The following SCD5 variants were observed in gnomAD, a reference collection of about 807,000 sequenced individuals.
SCD5 encodes acyl-CoA-desaturase 4.
A neutral mutation model predicts 30.4 loss-of-function variants in SCD5; 20 were observed. That is an observed-to-expected ratio of 0.66 (90% CI 0.46 to 0.96). The LOEUF is 0.96. Among genes scored for constraint, SCD5 ranks in the 40% least tolerant of loss-of-function variants. The probability of loss-of-function intolerance (pLI) is 0.00; values close to 1 mark genes in which losing one functional copy is unlikely to be tolerated. For missense variants in SCD5, 381 were observed against 443.3 expected, an observed-to-expected ratio of 0.86 and a Z score of 1.26; for synonymous variants, 173 against 176.4, an observed-to-expected ratio of 0.98 and a Z score of 0.16.
chr4:82,742,129 A>G (rs1406127749), intron 1 of SCD5, among the ~76,000 whole-genome samples: 1 of 151,978 alleles, frequency 6.6e-6, no homozygotes, highest in Non-Finnish European at 1.5e-5. Context: ...TCTTCATTCC[A>G]AGCCCAGTCA....
chr4:82,663,238 GGA>G (rs1728058101), intron 3 of SCD5, among the ~76,000 whole-genome samples: 1 of 152,196 alleles, frequency 6.6e-6, no homozygotes, highest in Non-Finnish European at 1.5e-5. Context: ...GTCAAAGCAA[GGA>G]GAAAGAGATG....
intron 4 of SCD5, among the ~76,000 whole-genome samples, chr4:82,635,337 G>A (rs913900281): frequency 6.6e-6 from 1 of 152,126 alleles, no homozygotes; most frequent in Non-Finnish European, 1.5e-5. Context: ...GCAACATCAC[G>A]GGCCGGGCAC....
intron 2 of SCD5, among the ~76,000 whole-genome samples, chr4:82,692,823 A>T (rs1224458479): frequency 6.6e-6 from 1 of 152,162 alleles, no homozygotes; most frequent in East Asian, 1.9e-4. Flanking sequence ...GCCCTCAGGA[A>T]CCTTCTCCAA....
intron 1 of SCD5, among the ~76,000 whole-genome samples, chr4:82,740,627 G>C (rs941600570): frequency 6.6e-6 from 1 of 152,124 alleles, no homozygotes; most frequent in Non-Finnish European, 1.5e-5. Context: ...CTAAACCAAG[G>C]ACTCCCAGTT....
chr4:82,640,698 A>G (rs764107835), intron 3 of SCD5, among the ~76,000 whole-genome samples: 1 of 152,174 alleles, frequency 6.6e-6, no homozygotes, highest in Non-Finnish European at 1.5e-5. Context: ...TCTCCTTTTA[A>G]TAACAGTCAC....
chr4:82,730,236 T>C (rs1483578643), intron 1 of SCD5, among the ~76,000 whole-genome samples: 4 of 138,266 alleles, frequency 2.9e-5, no homozygotes, highest in Non-Finnish European at 6.2e-5. Context: ...ATATATAATA[T>C]TTAAAAACAT....
chr4:82,762,197 G>GGGAGGGGAGGGGGAGA (rs1305234086), intron 1 of SCD5, among the ~76,000 whole-genome samples: 13 of 143,384 alleles, frequency 9.1e-5, no homozygotes, highest in African/African-American at 2.6e-4. Flanking sequence ...GGGAGGGGAA[G>GGGAGGGGAGGGGGAGA]GGAGGGGAGG....
At chr4:82,764,829 C>T (rs922928630) in intron 1 of SCD5, among the ~76,000 whole-genome samples, 2 of 151,342 alleles carry the variant, frequency 1.3e-5, no homozygotes, top group Non-Finnish European at 2.9e-5. Flanking sequence ...TGGGTTCAAG[C>T]GATTCTCCTG....
chr4:82,734,181 A>G (rs7666299), intron 1 of SCD5, among the ~76,000 whole-genome samples: 58,551 of 152,098 alleles, frequency 0.38, 11,412 homozygotes, highest in Admixed American at 0.43. Context: ...CGAAGGATGC[A>G]GAAATGTGGC....
intron 4 of SCD5, among the ~76,000 whole-genome samples, chr4:82,635,552 C>T (rs1727408299): frequency 1.4e-5 from 2 of 143,198 alleles, no homozygotes; most frequent in African/African-American, 2.6e-5. Context: ...ACCTGGGAGG[C>T]AGAGCTTGCA....
intron 1 of SCD5, among the ~76,000 whole-genome samples, chr4:82,755,446 G>A (rs1030250942): frequency 6.6e-6 from 1 of 152,184 alleles, no homozygotes; most frequent in Admixed American, 6.5e-5. Context: ...GTTGCAGTGA[G>A]CTGAGATCAC....
At chr4:82,769,958 A>C (rs1486941758) in intron 1 of SCD5, among the ~76,000 whole-genome samples, 5 of 152,182 alleles carry the variant, frequency 3.3e-5, no homozygotes, top group Admixed American at 3.3e-4. Flanking sequence ...GCTCAGAAAA[A>C]TACCTAACTG....
chr4:82,704,007 A>C (rs1250181919), intron 2 of SCD5, among the ~76,000 whole-genome samples: 1 of 152,242 alleles, frequency 6.6e-6, no homozygotes, highest in African/African-American at 2.4e-5. Context: ...TTAATAGCTT[A>C]TTTCCTAGGA....
chr4:82,709,156 T>C (rs1720028463), intron 1 of SCD5, among the ~76,000 whole-genome samples: 1 of 152,194 alleles, frequency 6.6e-6, no homozygotes, highest in Non-Finnish European at 1.5e-5. Flanking sequence ...CAGGAGGAAC[T>C]TGAATGAATC....
intron 2 of SCD5, among the ~76,000 whole-genome samples, chr4:82,696,413 A>G (rs1880718): frequency 0.064 from 9,731 of 152,306 alleles, 337 homozygotes; most frequent in South Asian, 0.1. Context: ...ATGAAAAACA[A>G]TTCAATATCT....
At chr4:82,665,797 T>C (rs888105555) in intron 3 of SCD5, among the ~76,000 whole-genome samples, 1 of 152,266 alleles carries the variant, frequency 6.6e-6, no homozygotes, top group Admixed American at 6.5e-5. Flanking sequence ...TATTAAATTA[T>C]ATTTCTTACT....
chr4:82,768,575 T>C (rs1236109377), intron 1 of SCD5, among the ~76,000 whole-genome samples: 4 of 152,178 alleles, frequency 2.6e-5, no homozygotes, highest in South Asian at 4.1e-4. Context: ...TTATCTGTAA[T>C]GAAATGCATT....
At chr4:82,761,521 T>A (rs1255956389) in intron 1 of SCD5, among the ~76,000 whole-genome samples, 1 of 152,210 alleles carries the variant, frequency 6.6e-6, no homozygotes, top group Non-Finnish European at 1.5e-5. Context: ...ACAGCTCATG[T>A]AGCTCAGGGG....
At chr4:82,645,842 G>A (rs920648917) in intron 3 of SCD5, among the ~76,000 whole-genome samples, 6 of 152,214 alleles carry the variant, frequency 3.9e-5, no homozygotes, top group African/African-American at 1.2e-4. Context: ...AAGGATTTGG[G>A]ATTTCTTTTT....
Sources: gnomAD v4.1 joint callset for allele counts (sites outside exome capture counted in the v4.1 genomes callset) on GRCh38, gnomAD v4.1.1 for gene constraint, MANE v1.5 for transcripts, NCBI Gene and HGNC (gene_info 2026-07-23, HGNC 2026-07-21) for gene names.